TNNI3K: variants seen among roughly 807,000 people sequenced by gnomAD.
TNNI3K encodes TNNI3 interacting kinase.
A neutral mutation model predicts 114.5 loss-of-function variants in TNNI3K; 140 were observed. That is an observed-to-expected ratio of 1.22 (90% CI 1.07 to 1.41). The LOEUF (loss-of-function observed/expected upper bound fraction) is 1.41. Among genes scored for constraint, TNNI3K ranks in the 40% most tolerant of loss-of-function variants. The probability of loss-of-function intolerance (pLI) is 0.00; values close to 1 mark genes in which losing one functional copy is unlikely to be tolerated. For synonymous variants in TNNI3K, 347 were observed against 347.5 expected (o/e 1.00, Z 0.02); for missense variants, 1,125 against 1,007.6 (o/e 1.12, Z -1.58).
At chr1:74,477,945 T>A (rs907772043) in intron 21 of TNNI3K, among the ~76,000 whole-genome samples, 1 of 152,242 alleles carries the variant, frequency 6.6e-6, no homozygotes, top group African/African-American at 2.4e-5. Context: ...AAAAACTTTT[T>A]ATCTACCAGT....
At chr1:74,520,861 A>C (rs1391147057) in intron 23 of TNNI3K, among the ~76,000 whole-genome samples, 1 of 152,152 alleles carries the variant, frequency 6.6e-6, no homozygotes, top group African/African-American at 2.4e-5. Context: ...TGGAAGGTAC[A>C]TATGGAGCTG....
chr1:74,465,855 C>A (rs990974296), intron 21 of TNNI3K, among the ~76,000 whole-genome samples: 1 of 152,112 alleles, frequency 6.6e-6, no homozygotes, highest in East Asian at 1.9e-4. Context: ...AATCAGCTCT[C>A]TGTAAAATGG....
Position 74,335,390 on chromosome 1 carries a change from A to T in TNNI3K, c.544-621A>T, listed in dbSNP as rs45562640. Among the ~76,000 whole-genome samples, 1,111 of 152,294 alleles carry T rather than the reference A, an allele frequency of 7.3e-3. 16 individuals are homozygous for T. The highest frequency in any genetic ancestry group is 0.025 in the African/African-American group (1,036 of 41,568). The stretch of plus-strand genomic sequence containing the variant: ...CAGTAGCAGGCACTATTGTTTGCTT[A>T]GGCAAAGCTATCATTTCAACTATTA... On this transcript the variant is annotated intron_variant, in intron 6 of 24. Coordinates refer to ENST00000326637, the MANE Select transcript of TNNI3K (RefSeq NM_015978.3).
At chr1:74,430,212 A>T (rs2100652216) in intron 17 of TNNI3K, among the ~76,000 whole-genome samples, 1 of 152,220 alleles carries the variant, frequency 6.6e-6, no homozygotes, top group African/African-American at 2.4e-5. Flanking sequence ...TAATAGTGAC[A>T]ATTAGTATTG....
chr1:74,353,452 C>A, intron 10 of TNNI3K, 92 bp downstream of exon 10: 1 of 1,351,970 alleles, frequency 7.4e-7, no homozygotes, highest in Non-Finnish European at 1.0e-6. Context: ...ATTGGGAGTG[C>A]TCAACTCCAG....
In TNNI3K at chr1:74,377,503, A is replaced by G. The variant is rs574498893; in HGVS notation, c.1772+7111A>G. Reference sequence around the variant, plus strand: ...AGCCAAAACAGATACAAAAGTTTCAATACCAGACAATTATATTGCACATGG... The same window carrying G: ...AGCCAAAACAGATACAAAAGTTTCAGTACCAGACAATTATATTGCACATGG... On this transcript the variant is annotated intron_variant, in intron 17 of 24. Coordinates refer to ENST00000326637, the MANE Select transcript of TNNI3K (RefSeq NM_015978.3). 2.6e-5 allele frequency among the ~76,000 whole-genome samples: 4 copies of G among 152,212 alleles called. No individual in the cohort carries two copies. The East Asian group carries it at 7.8e-4, about 29-fold the overall frequency.
chr1:74,445,679 C>A (rs1355204194), intron 20 of TNNI3K, among the ~76,000 whole-genome samples: 2 of 143,122 alleles, frequency 1.4e-5, no homozygotes, highest in South Asian at 2.2e-4. Context: ...GGCGGGATCT[C>A]GGCTCACTGC....
At chr1:74,403,677 A>T (rs1664478432) in intron 17 of TNNI3K, among the ~76,000 whole-genome samples, 1 of 152,180 alleles carries the variant, frequency 6.6e-6, no homozygotes, top group African/African-American at 2.4e-5. Context: ...AAATATTTGT[A>T]TTTGGGGACA....
At chr1:74,297,698 G>A (rs369707696) in intron 5 of TNNI3K, among the ~76,000 whole-genome samples, 34 of 151,986 alleles carry the variant, frequency 2.2e-4, no homozygotes, top group African/African-American at 5.6e-4. Context: ...TTTCATTTGG[G>A]TTTTCTCATA....
intron 2 of TNNI3K, among the ~76,000 whole-genome samples, chr1:74,241,993 G>C (rs901984334): frequency 5.9e-5 from 9 of 151,656 alleles, no homozygotes; most frequent in African/African-American, 1.7e-4. Flanking sequence ...GGGACTACAG[G>C]CACCCACCAC....
At chr1:74,410,839 G>A (rs560762287) in intron 17 of TNNI3K, among the ~76,000 whole-genome samples, 86 of 152,316 alleles carry the variant, frequency 5.6e-4, no homozygotes, top group African/African-American at 2.0e-3. Context: ...AGGAATCACA[G>A]CCTGAGACTG....
chr1:74,476,239 A>C (rs1668200561), intron 21 of TNNI3K, among the ~76,000 whole-genome samples: 1 of 152,090 alleles, frequency 6.6e-6, no homozygotes, highest in South Asian at 2.1e-4. Flanking sequence ...CTCTGAATAA[A>C]ATTGCAAGAT....
At chr1:74,374,189 A>G (rs758249531) in intron 17 of TNNI3K, 2 of 151,940 alleles carry the variant, frequency 1.3e-5, no homozygotes, top group Non-Finnish European at 2.9e-5. Context: ...AGTTGAATCC[A>G]CAGAAGTGAA....
chr1:74,507,228 C>G (rs577823875), intron 23 of TNNI3K, among the ~76,000 whole-genome samples: 24 of 138,770 alleles, frequency 1.7e-4, no homozygotes, highest in Admixed American at 6.6e-4. Flanking sequence ...TCTTCACCCC[C>G]CCCCCATCTT....
At chr1:74,328,757 T>G (rs1660046169) in intron 5 of TNNI3K, among the ~76,000 whole-genome samples, 1 of 152,140 alleles carries the variant, frequency 6.6e-6, no homozygotes. Flanking sequence ...AAACTGTTTA[T>G]TAAAGCCTAA....
intron 15 of TNNI3K, 30 bp from the exon 16 acceptor site, chr1:74,369,361 C>T (rs1378393112): frequency 6.2e-7 from 1 of 1,606,536 alleles, no homozygotes; most frequent in Non-Finnish European, 8.5e-7. Context: ...CATCTGTTTA[C>T]TGAAGATTTT....
At chr1:74,522,950 C>T (rs1411625111) in intron 23 of TNNI3K, among the ~76,000 whole-genome samples, 1 of 152,182 alleles carries the variant, frequency 6.6e-6, no homozygotes, top group Admixed American at 6.5e-5. Context: ...CCCAACTGCC[C>T]ACTGGAAATT....
chr1:74,301,360 A>T (rs1658321653), intron 5 of TNNI3K, among the ~76,000 whole-genome samples: 1 of 152,160 alleles, frequency 6.6e-6, no homozygotes, highest in Non-Finnish European at 1.5e-5. Context: ...AGATCGAGCC[A>T]CTGCACCCTA....
intron 5 of TNNI3K, among the ~76,000 whole-genome samples, chr1:74,289,327 A>G (rs534958879): frequency 2.6e-5 from 4 of 152,098 alleles, no homozygotes; most frequent in East Asian, 1.9e-4. Context: ...AAACGTATCC[A>G]TTTCTTCTCC....
Sources: allele counts gnomAD v4.1 joint callset (sites outside exome capture counted in the v4.1 genomes callset), GRCh38; gene constraint gnomAD v4.1.1; transcripts MANE v1.5; gene names NCBI Gene and HGNC (gene_info 2026-07-23, HGNC 2026-07-21).